The following SBF2 variants were observed in gnomAD, a reference collection of about 807,000 sequenced individuals.
SBF2 encodes SET binding factor 2.
SBF2 carries 112 observed loss-of-function variants against 225.2 expected under a neutral mutation model. The ratio of observed to expected loss-of-function variants is 0.50; its 90% CI spans 0.43 to 0.58. SBF2 has a LOEUF of 0.58. SBF2 is among the 20% of genes least tolerant of loss of function. The probability of loss-of-function intolerance (pLI) is 0.00; values close to 1 mark genes in which losing one functional copy is unlikely to be tolerated. For missense variants in SBF2, 1,996 were observed against 2,206.2 expected, an observed-to-expected ratio of 0.90 and a Z score of 1.91; for synonymous variants, 763 against 773.3, an observed-to-expected ratio of 0.99 and a Z score of 0.22.
chr11:9,821,800 G>A (rs1037726814), intron 28 of SBF2, among the ~76,000 whole-genome samples: 1 of 152,118 alleles, frequency 6.6e-6, no homozygotes, highest in Non-Finnish European at 1.5e-5. Context: ...CATTTTGCAT[G>A]TGCCTTAGTA....
chr11:10,157,291 A>G (rs1955523177), intron 2 of SBF2, among the ~76,000 whole-genome samples: 1 of 152,316 alleles, frequency 6.6e-6, no homozygotes, highest in Admixed American at 6.5e-5. Flanking sequence ...AGAGTTAAAT[A>G]CAAAACTCCA....
chr11:9,850,892 T>G (rs1239831396), intron 21 of SBF2, among the ~76,000 whole-genome samples: 1 of 152,018 alleles, frequency 6.6e-6, no homozygotes, highest in African/African-American at 2.4e-5. Flanking sequence ...TCCCAGCACT[T>G]TGGGAGGTTG....
chr11:9,925,684 G>A (rs1047717070), intron 16 of SBF2, among the ~76,000 whole-genome samples: 6 of 152,180 alleles, frequency 3.9e-5, no homozygotes, highest in Non-Finnish European at 8.8e-5. Flanking sequence ...TCACCTAGTC[G>A]AATCTAGTTC....
At chr11:9,901,532 T>C (rs1861716166) in intron 16 of SBF2, among the ~76,000 whole-genome samples, 1 of 152,200 alleles carries the variant, frequency 6.6e-6, no homozygotes, top group African/African-American at 2.4e-5. Context: ...ATTACAGATC[T>C]GACAAAACAG....
intron 2 of SBF2, among the ~76,000 whole-genome samples, chr11:10,175,522 G>A (rs1408356177): frequency 6.6e-6 from 1 of 151,628 alleles, no homozygotes; most frequent in Non-Finnish European, 1.5e-5. Context: ...CAAGTCCTGA[G>A]CGACCTACAA....
At chr11:9,814,780 G>A (rs1205358146) in intron 29 of SBF2, among the ~76,000 whole-genome samples, 1 of 152,190 alleles carries the variant, frequency 6.6e-6, no homozygotes, top group African/African-American at 2.4e-5. Context: ...CTATACATGA[G>A]CTAGGTATGC....
chr11:10,014,208 C>T (rs921649998), intron 6 of SBF2, among the ~76,000 whole-genome samples: 2 of 152,132 alleles, frequency 1.3e-5, no homozygotes, highest in African/African-American at 2.4e-5. Context: ...GGTGACTTTG[C>T]TTCTAGGCCA....
At chr11:9,962,478 AG>A (rs1866638731) in intron 15 of SBF2, among the ~76,000 whole-genome samples, 2 of 152,356 alleles carry the variant, frequency 1.3e-5, no homozygotes, top group South Asian at 4.1e-4. Flanking sequence ...TGGCAAGAAC[AG>A]AAAGAAAAAT....
At chr11:9,962,177 C>T in intron 15 of SBF2, 71 bp from the exon 16 acceptor site, 4 of 1,441,168 alleles carry the variant, frequency 2.8e-6, no homozygotes, top group South Asian at 1.1e-5. Context: ...AACAATCATC[C>T]TGAAAATTCA....
intron 16 of SBF2, among the ~76,000 whole-genome samples, chr11:9,909,840 C>T (rs1862449569): frequency 6.6e-6 from 1 of 152,126 alleles, no homozygotes; most frequent in South Asian, 2.1e-4. Context: ...GGAATAGTAT[C>T]TAGGCCTAGG....
At position 9,858,282 on chromosome 11, in the gene SBF2, G is replaced by C. The variant is rs766553474; in HGVS notation, c.2044C>G (p.Arg682Gly). The C allele has an allele frequency of 6.2e-7, 1 of 1,614,134 alleles. No individual in the cohort carries two copies. Residue 682 changes from arginine (R) to glycine (G), a missense_variant, in exon 18 of 40, where the codon CGC (arginine) becomes GGC (glycine). Transcript: ENST00000256190. The part of the protein sequence containing the change: ...TFYNAVQEQV[R>G]SLYLSAKEDN... The stretch of plus-strand genomic sequence containing the variant: ...TCCTTGGCTGAGAGATAAAGGGAGC[G>C]AACCTGTTCCTGCACTGCATTGTAA...
intron 19 of SBF2, among the ~76,000 whole-genome samples, chr11:9,853,969 G>GA (rs1857142045): frequency 6.6e-6 from 1 of 152,074 alleles, no homozygotes; most frequent in Non-Finnish European, 1.5e-5. Context: ...TTTCTGTAAG[G>GA]AATACCTTTA....
intron 1 of SBF2, among the ~76,000 whole-genome samples, chr11:10,250,042 T>C (rs59033026): frequency 0.2 from 30,089 of 151,884 alleles, 3,166 homozygotes; most frequent in Middle Eastern, 0.26. Flanking sequence ...TTGTATGGGA[T>C]TTCTAAAATT....
intron 1 of SBF2, among the ~76,000 whole-genome samples, chr11:10,287,609 A>G (rs1963883638): frequency 1.3e-5 from 2 of 151,354 alleles, no homozygotes; most frequent in African/African-American, 4.8e-5. Flanking sequence ...TAGTGGCTAC[A>G]CTAATGTATG....
intron 1 of SBF2, among the ~76,000 whole-genome samples, chr11:10,261,155 A>C (rs796090624): frequency 4.6e-5 from 7 of 152,300 alleles, no homozygotes; most frequent in African/African-American, 1.7e-4. Flanking sequence ...AAGACTGACG[A>C]TGCCAAATAC....
chr11:9,968,030 TTGAA>T (rs1347608501), intron 14 of SBF2, among the ~76,000 whole-genome samples: 1 of 150,192 alleles, frequency 6.7e-6, no homozygotes, highest in Non-Finnish European at 1.5e-5. Context: ...GTAATAATGG[TTGAA>T]TGAGTCTGTA....
intron 1 of SBF2, among the ~76,000 whole-genome samples, chr11:10,280,789 T>C (rs1186694860): frequency 6.6e-6 from 1 of 151,156 alleles, no homozygotes; most frequent in Admixed American, 6.6e-5. Context: ...ATTACAAGAT[T>C]TGCCACTCAA....
At chr11:9,963,700 G>C in intron 15 of SBF2, 73 bp downstream of exon 15, 1 of 744,140 alleles carries the variant, frequency 1.3e-6, no homozygotes, top group Admixed American at 2.1e-5. Flanking sequence ...GAAGAGAGAA[G>C]CTGGTAACCT....
Position 10,209,056 on chromosome 11 carries a change from C to A in SBF2, c.56-15069G>T, listed in dbSNP as rs184992918. Among the ~76,000 whole-genome samples the A allele has an allele frequency of 2.0e-5, 3 of 152,272 alleles. No homozygotes were observed. In the East Asian group the frequency reaches 5.8e-4, roughly 29 times the overall value. Reference sequence around the variant, plus strand: ...TCTTCCTTAAACAAGAAATTCGTATCTGTTGCATAATGCAACTGGACATGA... The same window carrying A: ...TCTTCCTTAAACAAGAAATTCGTATATGTTGCATAATGCAACTGGACATGA... On this transcript the variant is annotated intron_variant, in intron 1 of 39. Coordinates refer to ENST00000256190, the MANE Select transcript of SBF2 (RefSeq NM_030962.4).
Sources: allele counts gnomAD v4.1 joint callset (sites outside exome capture counted in the v4.1 genomes callset), GRCh38; gene constraint gnomAD v4.1.1; transcripts MANE v1.5; gene names NCBI Gene and HGNC (gene_info 2026-07-23, HGNC 2026-07-21).